The following QRICH2 variants were observed in gnomAD, a reference collection of about 807,000 sequenced individuals.
QRICH2 encodes the protein glutamine-rich protein 2.
In QRICH2, 119 loss-of-function variants were observed where a neutral mutation model predicts 168.3. The ratio of observed to expected loss-of-function variants is 0.71; its 90% CI spans 0.61 to 0.82. The LOEUF is 0.82. QRICH2 is among the 40% of genes least tolerant of loss of function. The probability of loss-of-function intolerance (pLI) is 0.00; values close to 1 mark genes in which losing one functional copy is unlikely to be tolerated. For synonymous variants in QRICH2, 894 were observed against 951.2 expected, an observed-to-expected ratio of 0.94 and a Z score of 1.11; for missense variants, 2,241 against 2,491.6, an observed-to-expected ratio of 0.90 and a Z score of 2.14.
chr17:76,307,823 C>G lies in QRICH2; in HGVS notation c.176G>C (p.Arg59Pro), dbSNP rs1454122428. 3 of 1,290,320 alleles carry G rather than the reference C, an allele frequency of 2.3e-6. No individual in the cohort carries two copies. Among genetic ancestry groups the G allele is most frequent in the Middle Eastern group, 2.9e-4 (1 of 3,404 alleles). 79.9% of individuals were successfully genotyped at this position (1,290,320 alleles called of 1,614,324 possible). The part of the protein sequence containing the change: ...DFQPSSPEPS[R>P]SLQSVRSSFS... Reference sequence around the variant, plus strand: ...CGAGCTCCGGACGGACTGCAGCGAGCGGCTGGGCTCGGGCGACGAGGGCTG... The same window carrying G: ...CGAGCTCCGGACGGACTGCAGCGAGGGGCTGGGCTCGGGCGACGAGGGCTG... The change falls in exon 1 of 19, where the codon CGC becomes CCC. Residue 59 changes from arginine (R) to proline (P), a missense_variant. Arg to Pro is a moderately radical substitution (Grantham distance 103). Coordinates refer to ENST00000680821, the MANE Select transcript of QRICH2 (RefSeq NM_001388453.1). The surrounding 1 kb of genome is among the most constrained non-coding windows in gnomAD (Gnocchi z 5.3).
At chr17:76,287,119 G>T in intron 7 of QRICH2, 73 bp downstream of exon 7, 2 of 910,992 alleles carry the variant, frequency 2.2e-6, no homozygotes, top group Non-Finnish European at 3.6e-6. Context: ...TTGATGAGAG[G>T]TGGGAGGGCA....
chr17:76,278,888 C>A (rs552433123), intron 14 of QRICH2, among the ~76,000 whole-genome samples, 153 bp downstream of exon 14: 98 of 152,368 alleles, frequency 6.4e-4, no homozygotes, highest in African/African-American at 2.3e-3. Flanking sequence ...CCCCCACTGT[C>A]CCATTCCAAG....
At chr17:76,276,139 C>CAACCCACCT (rs199788563) in intron 17 of QRICH2, among the ~76,000 whole-genome samples, 192 bp from the exon 18 acceptor site, 1 of 151,448 alleles carries the variant, frequency 6.6e-6, no homozygotes, top group Non-Finnish European at 1.5e-5. Context: ...GCCACCCACC[C>CAACCCACCT]ACTCACACAG....
upstream of QRICH2, among the ~76,000 whole-genome samples, chr17:76,309,212 C>T (rs557562856): frequency 2.7e-5 from 4 of 150,220 alleles, no homozygotes; most frequent in South Asian, 2.1e-4. Flanking sequence ...AAAAATTAGC[C>T]GGGCATGGTA....
chr17:76,294,007 A>C lies in QRICH2; in HGVS notation c.720T>G (p.Leu240=). The change falls in exon 4 of 19, where the codon CTT becomes CTG. Residue 240 remains leucine (L), a synonymous_variant. Coordinates refer to ENST00000680821, the MANE Select transcript of QRICH2 (RefSeq NM_001388453.1). ...WRASQAGSET[L]MGFSKHGGFT... ...ACCCTCCGTGCTTAGAAAATCCCAT[A>C]AGTGTTTCTGAGCCCTGGTTGGAGA... 6.2e-7 allele frequency: 1 copy of C among 1,603,922 alleles called. No individual in the cohort carries two copies. Among genetic ancestry groups the C allele is most frequent in the South Asian group, 1.1e-5 (1 of 90,588 alleles).
chr17:76,299,199 T>G (rs1294608584), intron 3 of QRICH2, among the ~76,000 whole-genome samples: 3 of 152,226 alleles, frequency 2.0e-5, no homozygotes, highest in Non-Finnish European at 4.4e-5. Flanking sequence ...GAGGCTTAAC[T>G]TCCCTTTTGG....
At chr17:76,288,597 T>G (rs1385480670) in intron 5 of QRICH2, among the ~76,000 whole-genome samples, 5 of 151,184 alleles carry the variant, frequency 3.3e-5, no homozygotes, top group Admixed American at 6.6e-5. Context: ...CCCAGCTACT[T>G]GGGAGGCTGA....
At chr17:76,304,966 G>A in intron 1 of QRICH2, 25 bp from the exon 2 acceptor site, 1 of 1,563,624 alleles carries the variant, frequency 6.4e-7, no homozygotes. Flanking sequence ...CAGGAAAGGA[G>A]AATGACAGTG....
intron 7 of QRICH2, among the ~76,000 whole-genome samples, chr17:76,286,875 C>CA (rs574718247): frequency 0.035 from 2,245 of 64,974 alleles, 39 homozygotes; most frequent in Non-Finnish European, 0.053. Flanking sequence ...AATTCCATCT[C>CA]AAAAAAAAAA....
rs781426873 is a variant in QRICH2, at chr17:76,291,439, A to G, written c.3288T>C (p.His1096=). Residue 1096 remains histidine (H), a synonymous_variant, in exon 4 of 19, where the codon CAT becomes CAC. Transcript: ENST00000680821. ...TGTCAAAGAGAGAGAAAGCATGGCC[A>G]TGCTGAGCTGCATCTGGGTATACCT... ...HDQVYPDAAQ[H]GHAFSLFDSH... is the part of the protein sequence containing the mutation. 4 of 1,614,062 alleles carry G rather than the reference A, an allele frequency of 2.5e-6. No individual in the cohort carries two copies. The highest frequency in any genetic ancestry group is 3.4e-6 in the Non-Finnish European group (4 of 1,180,040).
At chr17:76,287,043 A>AAC (rs56258903) in intron 7 of QRICH2, 149 bp downstream of exon 7, 13,350 of 201,170 alleles carry the variant, frequency 0.066, 293 homozygotes, top group Non-Finnish European at 0.075. Flanking sequence ...CACACCACAT[A>AAC]ACACACACAC....
At position 76,281,409 on chromosome 17, in the gene QRICH2, T is replaced by C. The variant is rs2070785814; in HGVS notation, c.4263+455A>G. Among the ~76,000 whole-genome samples the C allele has an allele frequency of 6.6e-6, 1 of 151,974 alleles. No individual in the cohort carries two copies. Among genetic ancestry groups the C allele is most frequent in the Non-Finnish European group, 1.5e-5 (1 of 67,976 alleles). On this transcript the variant is annotated intron_variant, in intron 8 of 18. Transcript: ENST00000680821. The surrounding 1 kb of genome is among the most constrained non-coding windows in gnomAD (Gnocchi z 4.4). ...GGCTGTGGGCTTTATTCTCCCCTCC[T>C]CTCCTGGCCCAAATCTGAGTTCCTC...
chr17:76,277,392 A>T (rs2070701891), intron 15 of QRICH2, 82 bp from the exon 16 acceptor site: 7 of 1,490,534 alleles, frequency 4.7e-6, no homozygotes, highest in Non-Finnish European at 6.4e-6. Context: ...GGGGCTGACC[A>T]GAGGGAAGGG....
chr17:76,308,366 C>G (rs558849965), upstream of QRICH2: 109 of 985,432 alleles, frequency 1.1e-4, no homozygotes, highest in African/African-American at 1.8e-3. Context: ...TAAAGGCCAC[C>G]ACAAGGATCA....
chr17:76,298,751 G>C (rs2143360622), intron 3 of QRICH2, among the ~76,000 whole-genome samples: 1 of 152,104 alleles, frequency 6.6e-6, no homozygotes, highest in African/African-American at 2.4e-5. Context: ...GAGTAGCTGG[G>C]ATTACAGGCG....
intron 18 of QRICH2, among the ~76,000 whole-genome samples, chr17:76,274,550 G>A (rs935485336): frequency 6.6e-6 from 1 of 152,306 alleles, no homozygotes; most frequent in South Asian, 2.1e-4. Context: ...ATACAGACAC[G>A]AGGTGACATC....
intron 3 of QRICH2, among the ~76,000 whole-genome samples, chr17:76,302,530 C>T (rs1288129111): frequency 1.3e-5 from 2 of 152,082 alleles, no homozygotes; most frequent in South Asian, 2.1e-4. Flanking sequence ...CCGGATTATC[C>T]GGGTGGATGC....
At position 76,287,875 on chromosome 17, in the gene QRICH2, A is replaced by G; in HGVS notation, c.3821T>C (p.Leu1274Pro). ...KAKVERLQRILEGEGNQEAGK... is the reference protein window; with the variant it reads ...KAKVERLQRIPEGEGNQEAGK... ...TGCTTCTTGATTCCCTTCCCCTTCC[A>G]GGATCCTCTGCAGCCTTTCCACCTA... is the stretch of plus-strand genomic sequence containing the variant. The change falls in exon 6 of 19, where the codon CTG becomes CCG. Residue 1274 changes from leucine (L) to proline (P), a missense_variant. By Grantham distance (98) the Leu-to-Pro change is moderately conservative. Coordinates refer to ENST00000680821, the MANE Select transcript of QRICH2 (RefSeq NM_001388453.1). 6.2e-7 allele frequency: 1 copy of G among 1,613,952 alleles called. No homozygotes were observed. The highest frequency in any genetic ancestry group is 8.5e-7 in the Non-Finnish European group (1 of 1,179,936).
intron 1 of QRICH2, among the ~76,000 whole-genome samples, chr17:76,306,914 G>A (rs2070999612): frequency 6.6e-6 from 1 of 151,914 alleles, no homozygotes; most frequent in South Asian, 2.1e-4. Flanking sequence ...AAGTGAAACG[G>A]TCCCCTGCCT....
Sources: allele counts gnomAD v4.1 joint callset (sites outside exome capture counted in the v4.1 genomes callset), GRCh38; gene constraint gnomAD v4.1.1; non-coding constraint Gnocchi (gnomAD v3.1); transcripts MANE v1.5; gene names NCBI Gene and HGNC (gene_info 2026-07-23, HGNC 2026-07-21).